The following EIF3H variants were observed in gnomAD, a reference collection of about 807,000 sequenced individuals.
The protein encoded by EIF3H is eIF-3-gamma.
EIF3H carries 26 observed loss-of-function variants against 44.2 expected under a neutral mutation model. That is an observed-to-expected ratio of 0.59 (90% CI 0.43 to 0.82). The LOEUF (loss-of-function observed/expected upper bound fraction) is 0.82, where lower values mean the gene tolerates loss of function less well. Ranked by LOEUF, EIF3H falls within the 40% of genes least tolerant of loss-of-function variation. The pLI, the probability that EIF3H is intolerant of heterozygous loss-of-function variation, is 0.00. For missense variants in EIF3H, 359 were observed against 432.8 expected (o/e 0.83, Z 1.51); for synonymous variants, 166 against 151.9 (o/e 1.09, Z -0.68).
chr8:116,658,324 TAC>T (rs1004317299), intron 3 of EIF3H: 1 of 152,340 alleles, frequency 6.6e-6, no homozygotes, highest in African/African-American at 2.4e-5. Context: ...ACAGTTCTGA[TAC>T]AGCACAGAAC....
chr8:116,655,598 T>G (rs560605948), intron 5 of EIF3H, among the ~76,000 whole-genome samples: 5 of 152,278 alleles, frequency 3.3e-5, no homozygotes, highest in Admixed American at 2.0e-4. Context: ...GCACAAATGA[T>G]ACAGCAAAGA....
chr8:116,729,047 C>T (rs191016571), intron 1 of EIF3H, among the ~76,000 whole-genome samples: 49 of 152,202 alleles, frequency 3.2e-4, no homozygotes, highest in East Asian at 5.8e-4. Flanking sequence ...GTGATCAAGA[C>T]GGGATAAACT....
chr8:116,712,601 T>C (rs910612320), intron 2 of EIF3H, among the ~76,000 whole-genome samples: 1 of 152,182 alleles, frequency 6.6e-6, no homozygotes, highest in Non-Finnish European at 1.5e-5. Context: ...ATAATACTCA[T>C]GGTGGAGAAG....
intron 2 of EIF3H, among the ~76,000 whole-genome samples, chr8:116,672,338 A>C (rs1171528909): frequency 6.6e-6 from 1 of 152,246 alleles, no homozygotes; most frequent in East Asian, 1.9e-4. Flanking sequence ...AATAAGACTC[A>C]AAACAGGCCA....
intron 1 of EIF3H, among the ~76,000 whole-genome samples, chr8:116,732,151 T>C (rs950585560): frequency 6.6e-6 from 1 of 152,120 alleles, no homozygotes; most frequent in African/African-American, 2.4e-5. Context: ...GTGCAAACTA[T>C]TTGAAAAAGC....
intron 4 of EIF3H, 118 bp from the exon 5 acceptor site, chr8:116,656,123 C>CT (rs1813484877): frequency 1.3e-6 from 1 of 747,108 alleles, no homozygotes; most frequent in East Asian, 3.2e-5. Context: ...CATTAGCACT[C>CT]TTAAAAAAAA....
intron 2 of EIF3H, among the ~76,000 whole-genome samples, chr8:116,670,587 A>G (rs1273189317): frequency 1.3e-5 from 2 of 152,166 alleles, no homozygotes; most frequent in Non-Finnish European, 2.9e-5. Context: ...AAAGAGAAAA[A>G]GCTGTGCATG....
intron 2 of EIF3H, among the ~76,000 whole-genome samples, chr8:116,716,350 T>G (rs1814659196): frequency 6.6e-6 from 1 of 152,044 alleles, no homozygotes; most frequent in African/African-American, 2.4e-5. Context: ...CAACTTAATA[T>G]GTGTTTTCTT....
chr8:116,737,136 C>A, intron 1 of EIF3H: 1 of 321,354 alleles, frequency 3.1e-6, no homozygotes, highest in Non-Finnish European at 6.1e-6. Flanking sequence ...TCACACTACC[C>A]AATATTCTAT....
intron 2 of EIF3H, among the ~76,000 whole-genome samples, chr8:116,671,988 A>G (rs1813766113): frequency 6.6e-6 from 1 of 152,254 alleles, no homozygotes; most frequent in Non-Finnish European, 1.5e-5. Flanking sequence ...AAATGCCCTT[A>G]AAAATAGTTT....
intron 2 of EIF3H, among the ~76,000 whole-genome samples, chr8:116,680,203 G>T (rs1440533251): frequency 2.2e-5 from 1 of 45,132 alleles, no homozygotes; most frequent in East Asian, 5.6e-4. Context: ...GAGGGTGGGG[G>T]GGGGGGTCAG....
chr8:116,655,703 AG>A (rs1813477463), intron 5 of EIF3H, among the ~76,000 whole-genome samples, 152 bp downstream of exon 5: 1 of 152,160 alleles, frequency 6.6e-6, no homozygotes, highest in Non-Finnish European at 1.5e-5. Context: ...ACATCCTAAC[AG>A]GGCCAGACTA....
chr8:116,655,268 A>G (rs1251604442), intron 5 of EIF3H, among the ~76,000 whole-genome samples: 2 of 151,164 alleles, frequency 1.3e-5, no homozygotes, highest in Non-Finnish European at 2.9e-5. Flanking sequence ...AATATAATAA[A>G]CATTATCTCA....
At chr8:116,743,156 C>T (rs544646890) in intron 1 of EIF3H, among the ~76,000 whole-genome samples, 17 of 152,270 alleles carry the variant, frequency 1.1e-4, no homozygotes, top group Admixed American at 8.5e-4. Context: ...AAAACAAAAG[C>T]TGGCAGGCAA....
intron 2 of EIF3H, among the ~76,000 whole-genome samples, chr8:116,661,038 C>T (rs953610827): frequency 1.3e-5 from 2 of 152,114 alleles, no homozygotes. Context: ...CCTCACCTCC[C>T]CCCAGCTAGT....
chr8:116,659,000 A>T lies in EIF3H; in HGVS notation c.290-20T>A. The T allele has an allele frequency of 6.4e-7, 1 of 1,567,650 alleles. No individual in the cohort carries two copies. The highest frequency in any genetic ancestry group is 2.3e-5 in the East Asian group (1 of 43,912). On this transcript the variant is annotated intron_variant, in intron 2 of 7. Transcript: ENST00000521861. ...ATTGGACTGGATGATGGGGAAGAGG[A>T]AATTAAAAGAAAAAACTTTTTAATG...
At chr8:116,682,797 A>G (rs1455101650) in intron 2 of EIF3H, among the ~76,000 whole-genome samples, 1 of 152,172 alleles carries the variant, frequency 6.6e-6, no homozygotes, top group Admixed American at 6.5e-5. Context: ...CAACAACCTA[A>G]TCAAGAGAAT....
At chr8:116,689,765 C>A (rs1193584849) in intron 2 of EIF3H, among the ~76,000 whole-genome samples, 1 of 152,092 alleles carries the variant, frequency 6.6e-6, no homozygotes, top group African/African-American at 2.4e-5. Context: ...TCATCAAGAA[C>A]GCTGGAAACC....
At chr8:116,700,522 G>C (rs114133979) in intron 2 of EIF3H, among the ~76,000 whole-genome samples, 1 of 151,818 alleles carries the variant, frequency 6.6e-6, no homozygotes, top group Non-Finnish European at 1.5e-5. Context: ...AAGATGGAAC[G>C]TCTCTGTCCT....
Sources: allele counts gnomAD v4.1 joint callset (sites outside exome capture counted in the v4.1 genomes callset), GRCh38; gene constraint gnomAD v4.1.1; transcripts MANE v1.5; gene names NCBI Gene and HGNC (gene_info 2026-07-23, HGNC 2026-07-21).